PTPRD: variants seen among roughly 807,000 people sequenced by gnomAD.
PTPRD encodes the protein protein tyrosine phosphatase receptor type D, also known as receptor-type tyrosine-protein phosphatase delta.
Under a neutral mutation model 214.5 loss-of-function variants are expected in PTPRD, and 34 were observed. That is an observed-to-expected ratio of 0.16 (90% CI 0.12 to 0.21). The LOEUF is 0.21. PTPRD is among the 10% of genes least tolerant of loss of function. PTPRD has a pLI of 1.00. For missense variants in PTPRD, 2,545 were observed against 2,398.7 expected (o/e 1.06, Z -1.27); for synonymous variants, 1,128 against 845.7 (o/e 1.33, Z -5.79).
chr9:8,905,722 G>C (rs2098703009), intron 11 of PTPRD, among the ~76,000 whole-genome samples: 1 of 142,206 alleles, frequency 7.0e-6, no homozygotes, highest in African/African-American at 2.7e-5. Context: ...CTGGGAGACA[G>C]AGTGAGACTC....
intron 3 of PTPRD, among the ~76,000 whole-genome samples, chr9:10,054,919 G>A (rs2097596588): frequency 6.6e-6 from 1 of 152,036 alleles, no homozygotes; most frequent in South Asian, 2.1e-4. Context: ...GTCTTTAGGA[G>A]ATAATTAGGT....
intron 2 of PTPRD, among the ~76,000 whole-genome samples, chr9:10,524,626 T>C (rs372233836): frequency 1.3e-5 from 2 of 152,204 alleles, no homozygotes; most frequent in South Asian, 2.1e-4. Context: ...TGTGTTGCCA[T>C]TGAGAGCACA....
chr9:8,599,846 A>G (rs1455455588), intron 14 of PTPRD, among the ~76,000 whole-genome samples: 7 of 151,498 alleles, frequency 4.6e-5, no homozygotes, highest in African/African-American at 1.7e-4. Flanking sequence ...CAAATTCCCT[A>G]CCTCAGATGA....
At chr9:9,779,369 A>T (rs2098825547) in intron 5 of PTPRD, among the ~76,000 whole-genome samples, 1 of 152,166 alleles carries the variant, frequency 6.6e-6, no homozygotes, top group Non-Finnish European at 1.5e-5. Flanking sequence ...GGGATAAACT[A>T]AACAGCTTCT....
intron 9 of PTPRD, among the ~76,000 whole-genome samples, chr9:9,376,422 T>A (rs1053901126): frequency 6.6e-6 from 1 of 152,138 alleles, no homozygotes; most frequent in African/African-American, 2.4e-5. Flanking sequence ...TCCTTTAAAT[T>A]ACAACATGCA....
chr9:8,544,855 T>G (rs2079543325), intron 14 of PTPRD, among the ~76,000 whole-genome samples: 1 of 151,736 alleles, frequency 6.6e-6, no homozygotes, highest in Admixed American at 6.6e-5. Context: ...CTTAATCCTT[T>G]GACAATAACA....
chr9:9,995,785 C>G (rs576537435), intron 4 of PTPRD, among the ~76,000 whole-genome samples: 2 of 152,094 alleles, frequency 1.3e-5, no homozygotes, highest in Non-Finnish European at 2.9e-5. Flanking sequence ...TTATTTGATA[C>G]TTTTCTGCCC....
intron 5 of PTPRD, among the ~76,000 whole-genome samples, chr9:9,883,401 A>C (rs1423987755): frequency 6.6e-6 from 1 of 152,066 alleles, no homozygotes; most frequent in Admixed American, 6.6e-5. Context: ...CTAGAAACCA[A>C]CATTCAAAAG....
chr9:8,489,655 T>C (rs2097109041), intron 27 of PTPRD, among the ~76,000 whole-genome samples: 1 of 152,162 alleles, frequency 6.6e-6, no homozygotes, highest in Admixed American at 6.5e-5. Context: ...TAAATGCAGT[T>C]TAAACAGGCT....
chr9:9,989,347 T>C (rs942386781), intron 4 of PTPRD, among the ~76,000 whole-genome samples: 1 of 151,914 alleles, frequency 6.6e-6, no homozygotes, highest in Non-Finnish European at 1.5e-5. Context: ...GCCCCCACAT[T>C]CTGTACCCAT....
At chr9:10,102,076 AT>A (rs1483742225) in intron 3 of PTPRD, among the ~76,000 whole-genome samples, 1 of 151,762 alleles carries the variant, frequency 6.6e-6, no homozygotes, top group South Asian at 2.1e-4. Context: ...ATTTTTACCC[AT>A]TTTGTTTTAA....
At chr9:8,368,031 T>C (rs955713852) in intron 39 of PTPRD, among the ~76,000 whole-genome samples, 1 of 152,184 alleles carries the variant, frequency 6.6e-6, no homozygotes, top group African/African-American at 2.4e-5. Flanking sequence ...CAATTTCAAT[T>C]GCAGAGTTTT....
intron 9 of PTPRD, among the ~76,000 whole-genome samples, chr9:9,381,880 T>C (rs1265534259): frequency 6.7e-6 from 1 of 149,768 alleles, no homozygotes; most frequent in Non-Finnish European, 1.5e-5. Flanking sequence ...CCATGTGAAA[T>C]TTAGTATTGT....
intron 11 of PTPRD, among the ~76,000 whole-genome samples, chr9:8,912,423 G>A (rs1376520350): frequency 6.6e-6 from 1 of 152,164 alleles, no homozygotes; most frequent in Non-Finnish European, 1.5e-5. Flanking sequence ...CACATTGTAT[G>A]ACTCAGTTTA....
intron 39 of PTPRD, among the ~76,000 whole-genome samples, chr9:8,354,994 C>T (rs1412394765): frequency 3.3e-5 from 5 of 152,062 alleles, no homozygotes; most frequent in Non-Finnish European, 5.9e-5. Context: ...CTTTGTGAAC[C>T]TGGTGATATA....
chr9:9,556,158 G>C (rs2081459709), intron 8 of PTPRD, among the ~76,000 whole-genome samples: 1 of 152,042 alleles, frequency 6.6e-6, no homozygotes, highest in African/African-American at 2.4e-5. Flanking sequence ...ATTATATATT[G>C]TATTATTAAA....
intron 3 of PTPRD, among the ~76,000 whole-genome samples, chr9:10,068,661 A>G (rs1227224115): frequency 6.6e-6 from 1 of 151,852 alleles, no homozygotes; most frequent in African/African-American, 2.4e-5. Flanking sequence ...TGTAACCACA[A>G]GAGCTTTTGA....
chr9:9,668,205 C>G (rs185932786), intron 7 of PTPRD, among the ~76,000 whole-genome samples: 7 of 152,022 alleles, frequency 4.6e-5, no homozygotes, highest in African/African-American at 1.7e-4. Flanking sequence ...TAAGCACAAC[C>G]GATAAAACGA....
At position 8,373,860 on chromosome 9, in the gene PTPRD, GTCTGTCTATC is replaced by G. The variant is rs1308889887; in HGVS notation, c.4661+2066_4661+2075del. On this transcript the variant is annotated intron_variant, in intron 39 of 45. Transcript: ENST00000381196. ...TGTATGTATGTATGTGTATGTGTCT[GTCTGTCTATC>G]TATCTATCTATCTATCTATCTATCT... 7.9e-3 allele frequency among the ~76,000 whole-genome samples: 597 copies of G among 75,434 alleles called. 6 individuals carry two copies. The highest frequency in any genetic ancestry group is 0.045 in the African/African-American group (541 of 12,080). The allele number at this position is 75,434 out of a possible 152,430, so 49.5% of individuals were successfully genotyped here. A position where few individuals can be genotyped will look rare whatever the true frequency, so the allele number is the denominator to read the frequency against.
Sources: allele counts gnomAD v4.1 joint callset (sites outside exome capture counted in the v4.1 genomes callset), GRCh38; gene constraint gnomAD v4.1.1; transcripts MANE v1.5; gene names NCBI Gene and HGNC (gene_info 2026-07-23, HGNC 2026-07-21).